ZNF385D: variants seen among roughly 807,000 people sequenced by gnomAD.
The protein encoded by ZNF385D is zinc finger protein 659.
A neutral mutation model predicts 35.8 loss-of-function variants in ZNF385D; 15 were observed. The observed-to-expected ratio is 0.42, with a 90% CI of 0.28 to 0.64. The LOEUF is 0.64. Ranked by LOEUF, ZNF385D falls within the 30% of genes least tolerant of loss-of-function variation. The pLI is 0.23. For synonymous variants in ZNF385D, 212 were observed against 186.8 expected, an observed-to-expected ratio of 1.13 and a Z score of -1.10; for missense variants, 474 against 494.6, an observed-to-expected ratio of 0.96 and a Z score of 0.39.
At chr3:22,131,687 T>C (rs143018784) in intron 3 of ZNF385D, among the ~76,000 whole-genome samples, 16 of 152,242 alleles carry the variant, frequency 1.1e-4, no homozygotes, top group Non-Finnish European at 1.6e-4. Context: ...GCAGAGCATA[T>C]GACTACAGAT....
intron 3 of ZNF385D, among the ~76,000 whole-genome samples, chr3:22,094,651 A>G (rs1323959769): frequency 6.6e-6 from 1 of 151,970 alleles, no homozygotes; most frequent in Non-Finnish European, 1.5e-5. Context: ...TGGTTCAAAG[A>G]CTGCCCAGAG....
intron 2 of ZNF385D, among the ~76,000 whole-genome samples, chr3:22,335,536 T>C (rs1168051449): frequency 4.6e-5 from 7 of 152,166 alleles, no homozygotes; most frequent in African/African-American, 1.4e-4. Context: ...CTAAATCCTA[T>C]AATCAATCCT....
At chr3:21,820,326 A>G (rs189552724) in intron 3 of ZNF385D, among the ~76,000 whole-genome samples, 26 of 151,960 alleles carry the variant, frequency 1.7e-4, no homozygotes, top group Middle Eastern at 3.4e-3. Flanking sequence ...AGAAGAACCA[A>G]CATAAGAAAA....
At chr3:22,080,058 T>C (rs912303910) in intron 3 of ZNF385D, among the ~76,000 whole-genome samples, 2 of 152,130 alleles carry the variant, frequency 1.3e-5, no homozygotes, top group Non-Finnish European at 2.9e-5. Flanking sequence ...TACACCTATG[T>C]TAATGAAGAC....
At chr3:22,108,332 A>G (rs148914371) in intron 3 of ZNF385D, among the ~76,000 whole-genome samples, 182 of 152,180 alleles carry the variant, frequency 1.2e-3, no homozygotes, top group African/African-American at 4.0e-3. Context: ...GTGTTTATTA[A>G]CACAGAAACT....
intron 3 of ZNF385D, among the ~76,000 whole-genome samples, chr3:21,554,862 C>A (rs1258142759): frequency 6.6e-6 from 1 of 152,158 alleles, no homozygotes; most frequent in Non-Finnish European, 1.5e-5. Flanking sequence ...TGTTAGCCTT[C>A]ATAGAATTAA....
Position 21,894,615 on chromosome 3 carries a change from T to C in ZNF385D, c.326-229587A>G, listed in dbSNP as rs1699037936. Among the ~76,000 whole-genome samples the C allele has an allele frequency of 3.3e-5, 5 of 152,332 alleles. No homozygotes were observed. In the South Asian group the frequency reaches 1.0e-3, roughly 32 times the overall value. On this transcript the variant is annotated intron_variant, in intron 3 of 5. Transcript: ENST00000494108. ...TCTTTGTAATTATTTATACTTAATATAGTTTGTGAGTTGTAATTATCCTCT... is the reference window on the plus strand; with the variant it reads ...TCTTTGTAATTATTTATACTTAATACAGTTTGTGAGTTGTAATTATCCTCT...
At chr3:22,006,914 T>C (rs1696246096) in intron 3 of ZNF385D, among the ~76,000 whole-genome samples, 1 of 152,042 alleles carries the variant, frequency 6.6e-6, no homozygotes, top group Non-Finnish European at 1.5e-5. Context: ...CATTTAAGGT[T>C]TGGTAAGAAG....
chr3:22,239,374 T>C lies in ZNF385D; in HGVS notation c.107-70339A>G, dbSNP rs147058825. ...AAAATATTTACTATCTATTCCTTTG[T>C]AGAAAATTTGCTAACCCTTGTTTTA... On this transcript the variant is annotated intron_variant, in intron 2 of 5. Coordinates refer to the ZNF385D transcript ENST00000494108. 1.9e-3 allele frequency among the ~76,000 whole-genome samples: 285 copies of C among 151,194 alleles called. 11 individuals are homozygous for C. The highest frequency in any genetic ancestry group is 6.5e-3 in the African/African-American group (267 of 40,900).
chr3:22,109,948 A>G (rs1320946336), intron 3 of ZNF385D, among the ~76,000 whole-genome samples: 4 of 152,214 alleles, frequency 2.6e-5, no homozygotes, highest in Non-Finnish European at 5.9e-5. Flanking sequence ...TTTACAAGAA[A>G]AAAACAAACC....
chr3:21,835,810 A>T (rs1187876345), intron 3 of ZNF385D, among the ~76,000 whole-genome samples: 1 of 152,124 alleles, frequency 6.6e-6, no homozygotes, highest in Non-Finnish European at 1.5e-5. Context: ...GCCTACCAAT[A>T]ATTGTCCCTC....
chr3:22,294,698 T>G (rs917001552), intron 2 of ZNF385D, among the ~76,000 whole-genome samples: 1 of 152,110 alleles, frequency 6.6e-6, no homozygotes, highest in Non-Finnish European at 1.5e-5. Context: ...GTCTCTAAGC[T>G]TCTATGTTCT....
At chr3:22,037,078 A>G (rs1698372859) in intron 3 of ZNF385D, among the ~76,000 whole-genome samples, 1 of 152,036 alleles carries the variant, frequency 6.6e-6, no homozygotes, top group African/African-American at 2.4e-5. Flanking sequence ...TTTATGGTGT[A>G]TATGTGCCAC....
chr3:22,077,582 A>C (rs181195957), intron 3 of ZNF385D, among the ~76,000 whole-genome samples: 1 of 152,120 alleles, frequency 6.6e-6, no homozygotes, highest in South Asian at 2.1e-4. Flanking sequence ...TGCAAAGCAG[A>C]CTTCCTATTT....
chr3:22,095,648 T>C (rs542259796), intron 3 of ZNF385D, among the ~76,000 whole-genome samples: 47 of 133,208 alleles, frequency 3.5e-4, no homozygotes, highest in African/African-American at 1.2e-3. Flanking sequence ...TAAAAATCTA[T>C]TGCAGGAAAT....
intron 3 of ZNF385D, among the ~76,000 whole-genome samples, chr3:21,991,804 G>A (rs1383876725): frequency 6.6e-6 from 1 of 152,162 alleles, no homozygotes; most frequent in Non-Finnish European, 1.5e-5. Context: ...AAGATTTATT[G>A]AGGTTGTCAC....
chr3:21,556,062 G>GTT lies in ZNF385D; in HGVS notation c.276+8510_276+8511dup, dbSNP rs1362972751. Among the ~76,000 whole-genome samples the GTT allele has an allele frequency of 3.5e-4, 33 of 93,132 alleles. No individual in the cohort carries two copies. The South Asian group carries it at 6.4e-3, about 18-fold the overall frequency. The allele number at this position is 93,132 out of a possible 152,430, so 61.1% of individuals were successfully genotyped here. A position where few individuals can be genotyped will look rare whatever the true frequency, so the allele number is the denominator to read the frequency against. Reference sequence around the variant, plus strand: ...TTGCCCACTTTTTGACGTTTTTTTTGTTTTTGTTTTTTTTTTTTTTTTTTT... The same window carrying GTT: ...TTGCCCACTTTTTGACGTTTTTTTTGTTTTTTTGTTTTTTTTTTTTTTTTTTT... On this transcript the variant is annotated intron_variant, in intron 3 of 7. Transcript: ENST00000281523.
intron 5 of ZNF385D, among the ~76,000 whole-genome samples, chr3:21,426,148 T>C (rs1701013695): frequency 6.6e-6 from 1 of 152,194 alleles, no homozygotes; most frequent in African/African-American, 2.4e-5. Flanking sequence ...GTGGCACTAA[T>C]TAAATACCCA....
intron 3 of ZNF385D, among the ~76,000 whole-genome samples, chr3:22,164,307 C>A (rs555072564): frequency 1.1e-3 from 161 of 145,254 alleles, no homozygotes; most frequent in African/African-American, 3.8e-3. Context: ...CGGCTCACTG[C>A]AACCTCTGCC....
Sources: gnomAD v4.1 joint callset for allele counts (sites outside exome capture counted in the v4.1 genomes callset) on GRCh38, gnomAD v4.1.1 for gene constraint, MANE v1.5 for transcripts, NCBI Gene and HGNC (gene_info 2026-07-23, HGNC 2026-07-21) for gene names.